Variants in NWD2 observed in about 807,000 individuals in gnomAD.
The protein encoded by NWD2 is NACHT and WD repeat domain-containing protein 2.
Under a neutral mutation model 132.7 loss-of-function variants are expected in NWD2, and 37 were observed. That is an observed-to-expected ratio of 0.28 (90% CI 0.21 to 0.37). The LOEUF (loss-of-function observed/expected upper bound fraction) is 0.37, where lower values mean the gene tolerates loss of function less well. Ranked by LOEUF, NWD2 falls within the 10% of genes least tolerant of loss-of-function variation. The probability of loss-of-function intolerance (pLI) is 1.00; values close to 1 mark genes in which losing one functional copy is unlikely to be tolerated. For missense variants in NWD2, 1,592 were observed against 2,122.4 expected (o/e 0.75, Z 4.91); for synonymous variants, 705 against 803.0 (o/e 0.88, Z 2.06).
chr4:37,380,205 T>G (rs993052252), intron 3 of NWD2, among the ~76,000 whole-genome samples: 1 of 152,178 alleles, frequency 6.6e-6, no homozygotes, highest in Non-Finnish European at 1.5e-5. Context: ...GCTAGAAAAT[T>G]GTAGTTGGAA....
At position 37,446,768 on chromosome 4, in the gene NWD2, G is replaced by A; in HGVS notation, c.4780G>A (p.Gly1594Ser). Residue 1594 changes from glycine to serine, a missense_variant, in exon 7 of 7, where the codon GGT (glycine) becomes AGT (serine). Physicochemically the swap from Gly to Ser is moderately conservative, Grantham distance 56. Transcript: ENST00000309447. The surrounding 1 kb of genome is among the most constrained non-coding windows in gnomAD (Gnocchi z 6.7). ...AAATGGGGAGGAGGAGGATGAAAATGGTGCAATATTCAGTTTAATTGTAAT... is the reference window on the plus strand; with the variant it reads ...AAATGGGGAGGAGGAGGATGAAAATAGTGCAATATTCAGTTTAATTGTAAT... ...FRNGEEEDEN[G>S]AIFSLIVMRL... 1 of 1,551,752 alleles carries A rather than the reference G, an allele frequency of 6.4e-7. No homozygotes were observed. The highest frequency in any genetic ancestry group is 8.7e-7 in the Non-Finnish European group (1 of 1,147,034).
chr4:37,249,854 A>G (rs1050632755), intron 1 of NWD2, among the ~76,000 whole-genome samples: 16 of 152,084 alleles, frequency 1.1e-4, no homozygotes, highest in Non-Finnish European at 2.2e-4. Flanking sequence ...CAGACTCTTC[A>G]TGCCTTTGGG....
Position 37,383,186 on chromosome 4 carries a change from C to A in NWD2, c.357+26704C>A, listed in dbSNP as rs560282433. 8.4e-4 allele frequency among the ~76,000 whole-genome samples: 128 copies of A among 152,306 alleles called. 1 individual carries two copies. The highest frequency in any genetic ancestry group is 2.9e-3 in the African/African-American group (122 of 41,574). On this transcript the variant is annotated intron_variant, in intron 3 of 6. Coordinates refer to ENST00000309447, the MANE Select transcript of NWD2 (RefSeq NM_001144990.2). ...TTTAGGAAGACCCGAGAATTTCTGA[C>A]AATTTAACCTTAACTTGGTTTCTTC...
chr4:37,359,747 C>A (rs951015974), intron 3 of NWD2, among the ~76,000 whole-genome samples: 1 of 152,158 alleles, frequency 6.6e-6, no homozygotes, highest in Non-Finnish European at 1.5e-5. Flanking sequence ...CAGTATAGTT[C>A]GTGCTTGGCC....
intron 1 of NWD2, among the ~76,000 whole-genome samples, chr4:37,276,980 G>A (rs1000338123): frequency 1.3e-5 from 2 of 151,704 alleles, no homozygotes; most frequent in African/African-American, 4.8e-5. Context: ...ACCGGGGCCT[G>A]TTGTGGGGTT....
intron 1 of NWD2, among the ~76,000 whole-genome samples, chr4:37,310,859 C>G (rs2109280732): frequency 6.9e-6 from 1 of 145,838 alleles, no homozygotes; most frequent in South Asian, 2.2e-4. Flanking sequence ...GTTCAATTCC[C>G]ACCTATGAGT....
chr4:37,392,915 A>C (rs1720707666), intron 3 of NWD2, among the ~76,000 whole-genome samples: 1 of 152,236 alleles, frequency 6.6e-6, no homozygotes, highest in Non-Finnish European at 1.5e-5. Flanking sequence ...GGACCATGGC[A>C]GTCTCTCATT....
Position 37,444,592 on chromosome 4 carries a change from C to G in NWD2, c.2604C>G (p.Gly868=), listed in dbSNP as rs554339783. Residue 868 remains glycine (G), a synonymous_variant, in exon 7 of 7, where the codon GGC becomes GGG. Transcript: ENST00000309447. The surrounding 1 kb of genome is among the most constrained non-coding windows in gnomAD (Gnocchi z 4.8). ...FSWLYTMIKI[G]QFDKVLSDIE... ...GGCTTTATACCATGATCAAAATTGG[C>G]CAGTTTGACAAAGTGCTTTCAGACA... 1.0e-5 allele frequency: 16 copies of G among 1,551,918 alleles called. No individual in the cohort carries two copies. The highest frequency in any genetic ancestry group is 5.5e-5 in the African/African-American group (4 of 73,134).
chr4:37,340,836 G>A (rs1350757153), intron 2 of NWD2, among the ~76,000 whole-genome samples: 1 of 152,186 alleles, frequency 6.6e-6, no homozygotes, highest in Admixed American at 6.5e-5. Context: ...CATGAGTCTA[G>A]GAGATCAATC....
At chr4:37,281,844 G>C (rs148322778) in intron 1 of NWD2, among the ~76,000 whole-genome samples, 50 of 152,216 alleles carry the variant, frequency 3.3e-4, no homozygotes, top group African/African-American at 1.2e-3. Flanking sequence ...AAACAAATTT[G>C]TGGACATAAC....
intron 1 of NWD2, among the ~76,000 whole-genome samples, chr4:37,321,456 ATAGT>A (rs1243829604): frequency 2.0e-5 from 3 of 152,198 alleles, no homozygotes; most frequent in Non-Finnish European, 4.4e-5. Flanking sequence ...TAAATACCTA[ATAGT>A]TAGTGCTGCC....
intron 2 of NWD2, among the ~76,000 whole-genome samples, chr4:37,335,053 C>T (rs927763551): frequency 6.6e-6 from 1 of 152,066 alleles, no homozygotes; most frequent in Non-Finnish European, 1.5e-5. Flanking sequence ...CTGGTTCATC[C>T]TCCACAATGT....
chr4:37,423,370 T>A (rs1711880510), intron 3 of NWD2, among the ~76,000 whole-genome samples: 1 of 152,146 alleles, frequency 6.6e-6, no homozygotes, highest in African/African-American at 2.4e-5. Context: ...ACAAAATTAA[T>A]CAAATATATA....
intron 3 of NWD2, among the ~76,000 whole-genome samples, chr4:37,408,826 G>A (rs1185262865): frequency 6.6e-6 from 1 of 152,182 alleles, no homozygotes; most frequent in Admixed American, 6.5e-5. Flanking sequence ...AGCTTCCAGA[G>A]GAAACAAGAG....
In NWD2 at chr4:37,339,141, C is replaced by T. The variant is rs185951859; in HGVS notation, c.240+13117C>T. Among the ~76,000 whole-genome samples, 48 of 152,288 alleles carry T rather than the reference C, an allele frequency of 3.2e-4. No homozygotes were observed. In the East Asian group the frequency reaches 7.5e-3, roughly 24 times the overall value. ...CCATCAAAGCCTGGACCAACCTTACCAAGTTGACATTCCCAGAAGTATTAT... is the reference window on the plus strand; with the variant it reads ...CCATCAAAGCCTGGACCAACCTTACTAAGTTGACATTCCCAGAAGTATTAT... On this transcript the variant is annotated intron_variant, in intron 2 of 6. Transcript: ENST00000309447.
chr4:37,360,542 G>A (rs1173602907), intron 3 of NWD2, among the ~76,000 whole-genome samples: 1 of 152,154 alleles, frequency 6.6e-6, no homozygotes, highest in African/African-American at 2.4e-5. Context: ...TCCCCAAGGA[G>A]GGATTCTGAC....
rs1224449853 is a variant in NWD2 at position 37,439,140 on chromosome 4, A to G, written c.1046A>G (p.Asp349Gly). 1 of 1,551,576 alleles carries G rather than the reference A, an allele frequency of 6.4e-7. No individual in the cohort carries two copies. Among genetic ancestry groups the G allele is most frequent in the Non-Finnish European group, 8.7e-7 (1 of 1,146,878 alleles). Residue 349 changes from aspartate (D) to glycine (G), a missense_variant, in exon 6 of 7, where the codon GAC (aspartate) becomes GGC (glycine). Asp to Gly is a moderately conservative substitution (Grantham distance 94). Transcript: ENST00000309447. This position sits in a 1 kb window ranked among gnomAD's most constrained non-coding sequence, Gnocchi z 4.5. ...GGACTTGGTAAACAATTTTATGAGGACATGATTGATATAATTCAGGCAACG... is the reference window on the plus strand; with the variant it reads ...GGACTTGGTAAACAATTTTATGAGGGCATGATTGATATAATTCAGGCAACG... ...IEGLGKQFYE[D>G]MIDIIQATIQ... is the part of the protein sequence containing the mutation.
chr4:37,287,193 C>G (rs1718251220), intron 1 of NWD2, among the ~76,000 whole-genome samples: 1 of 152,332 alleles, frequency 6.6e-6, no homozygotes, highest in South Asian at 2.1e-4. Flanking sequence ...ACCCATGCTA[C>G]CGGGGCCTAG....
chr4:37,345,320 A>G (rs957629907), intron 2 of NWD2, among the ~76,000 whole-genome samples: 2 of 152,160 alleles, frequency 1.3e-5, no homozygotes, highest in African/African-American at 2.4e-5. Context: ...TGGCTGAGCC[A>G]TTTTGTATTC....
Sources: gnomAD v4.1 joint callset for allele counts (sites outside exome capture counted in the v4.1 genomes callset) on GRCh38, gnomAD v4.1.1 for gene constraint, Gnocchi (gnomAD v3.1) non-coding constraint, MANE v1.5 for transcripts, NCBI Gene and HGNC (gene_info 2026-07-23, HGNC 2026-07-21) for gene names.